The following ERCC2 variants were observed in gnomAD, a reference collection of about 807,000 sequenced individuals.
The protein encoded by ERCC2 is general transcription and DNA repair factor IIH helicase subunit XPD.
ERCC2 carries 90 observed loss-of-function variants against 99.4 expected under a neutral mutation model. That is an observed-to-expected ratio of 0.91 (90% CI 0.76 to 1.08). ERCC2 has a LOEUF of 1.08. Ranked by LOEUF, ERCC2 falls within the 50% of genes least tolerant of loss-of-function variation. The probability of loss-of-function intolerance (pLI) is 0.00; values close to 1 mark genes in which losing one functional copy is unlikely to be tolerated. For missense variants in ERCC2, 993 were observed against 1,038.1 expected (o/e 0.96, Z 0.60); for synonymous variants, 497 against 432.4 (o/e 1.15, Z -1.85).
chr19:45,369,197 GCACA>G (rs1340525620), intron 2 of ERCC2, 50 bp from the exon 3 acceptor site: 3 of 1,502,546 alleles, frequency 2.0e-6, no homozygotes, highest in Non-Finnish European at 2.8e-6. Flanking sequence ...AGAACCTTGG[GCACA>G]CAAACTCTGG....
At chr19:45,364,568 G>T (rs751095517) in intron 7 of ERCC2, 21 bp from the exon 8 acceptor site, 4 of 1,611,458 alleles carry the variant, frequency 2.5e-6, no homozygotes, top group Non-Finnish European at 2.5e-6. Flanking sequence ...GGGGAGCAGG[G>T]TTACCAGGGC....
chr19:45,351,268 CCCTGTGCCTGTCT>C lies in ERCC2; in HGVS notation c.*348_*360del. ...GCCCCTCACCTCCCCTCCAACCATC[CCCTGTGCCTGTCT>C]CCAGTTTCCCAGCTGGCACCTGGAC... is the stretch of plus-strand genomic sequence containing the variant. On this transcript the variant is annotated 3_prime_UTR_variant, in exon 23 of 23. Transcript: ENST00000391945. 1.2e-6 allele frequency: 2 copies of C among 1,611,492 alleles called. No homozygotes were observed. The highest frequency in any genetic ancestry group is 1.7e-6 in the Non-Finnish European group (2 of 1,179,544).
At position 45,352,909 on chromosome 19, in the gene ERCC2, T is replaced by TG. The variant is rs556480517; in HGVS notation, c.1832-94dup. The TG allele has an allele frequency of 1.6e-4, 208 of 1,295,450 alleles. No individual in the cohort carries two copies. In the East Asian group the frequency reaches 2.6e-3, roughly 16 times the overall value. 80.2% of individuals were successfully genotyped at this position (1,295,450 alleles called of 1,614,324 possible). On this transcript the variant is annotated intron_variant, in intron 19 of 22. Coordinates refer to ENST00000391945, the MANE Select transcript of ERCC2 (RefSeq NM_000400.4). ...GCGACCCAGGATGCTGTGTCTGAGT[T>TG]GGGGGGAGAGGGTGTGTTCCCGCCG... is the stretch of plus-strand genomic sequence containing the variant.
Position 45,361,597 on chromosome 19 carries a change from G to C in ERCC2, c.1164C>G (p.Ile388Met). 1 of 1,614,030 alleles carries C rather than the reference G, an allele frequency of 6.2e-7. No homozygotes were observed. The highest frequency in any genetic ancestry group is 1.1e-5 in the South Asian group (1 of 91,074). ...RLRSLLHTLE[I>M]TDLADFSPLT... ...GCGGGGAGAAGTCAGCAAGGTCGGT[G>C]ATCTCCAGAGTATGCAGCAGGGACC... The change falls in exon 12 of 23, where the codon ATC (isoleucine) becomes ATG (methionine). Residue 388 changes from isoleucine (I) to methionine (M), a missense_variant. Ile to Met is a conservative substitution (Grantham distance 10, BLOSUM62 1). Transcript: ENST00000391945.
intron 12 of ERCC2, 105 bp from the exon 13 acceptor site, chr19:45,357,804 C>T (rs746686505): frequency 7.8e-6 from 8 of 1,028,278 alleles, no homozygotes; most frequent in Non-Finnish European, 1.2e-5. Context: ...CAATCTCCAC[C>T]CCGTACTGCC....
At chr19:45,355,514 C>A in intron 16 of ERCC2, 151 bp downstream of exon 16, 1 of 772,828 alleles carries the variant, frequency 1.3e-6, no homozygotes, top group Non-Finnish European at 2.3e-6. Flanking sequence ...CCCCTACCAG[C>A]TCACAGTGGA....
At chr19:45,367,195 G>A (rs1252708438) in intron 5 of ERCC2, among the ~76,000 whole-genome samples, 1 of 151,810 alleles carries the variant, frequency 6.6e-6, no homozygotes, top group African/African-American at 2.4e-5. Flanking sequence ...AAATTAGCCG[G>A]GTGTAGTGGG....
chr19:45,357,103 G>T (rs1049811849), intron 15 of ERCC2, among the ~76,000 whole-genome samples, 167 bp downstream of exon 15: 13 of 152,232 alleles, frequency 8.5e-5, no homozygotes, highest in African/African-American at 3.1e-4. Flanking sequence ...AGGCTTGAGA[G>T]TCGAGCCCAC....
intron 15 of ERCC2, among the ~76,000 whole-genome samples, chr19:45,356,595 A>T (rs1188547553): frequency 6.6e-6 from 1 of 152,168 alleles, no homozygotes; most frequent in African/African-American, 2.4e-5. Flanking sequence ...GGATCACTTG[A>T]GGTCAGGAGT....
intron 10 of ERCC2, 35 bp from the exon 11 acceptor site, chr19:45,363,946 C>A (rs775277909): frequency 6.6e-7 from 1 of 1,507,500 alleles, no homozygotes. Flanking sequence ...GACGGGGAGG[C>A]GGGAAAGGGA....
rs565180149 is a variant in ERCC2, at chr19:45,370,325, G to A, written c.6-93C>T. On this transcript the variant is annotated intron_variant, in intron 1 of 22. Coordinates refer to ENST00000391945, the MANE Select transcript of ERCC2 (RefSeq NM_000400.4). Reference sequence around the variant, plus strand: ...TCGTCGAGCCCAGAGAAGGGTGACGGGCCCGGCGCCCCCGGTAACCCTCAG... The same window carrying A: ...TCGTCGAGCCCAGAGAAGGGTGACGAGCCCGGCGCCCCCGGTAACCCTCAG... The A allele has an allele frequency of 2.3e-5, 36 of 1,555,688 alleles. No individual in the cohort carries two copies. In the East Asian group the frequency reaches 8.3e-4, roughly 36 times the overall value.
intron 21 of ERCC2, 31 bp from the exon 22 acceptor site, chr19:45,352,383 A>G: frequency 6.2e-7 from 1 of 1,613,736 alleles, no homozygotes; most frequent in Non-Finnish European, 8.5e-7. Flanking sequence ...CAGGGACAGA[A>G]GGTCATTCGG....
In ERCC2 at chr19:45,351,629, T is replaced by A. The variant is rs1414071789; in HGVS notation, c.2283A>T (p.Ter761CysextTer7). Residue 761 changes from the stop codon to cysteine, a stop_lost, in exon 23 of 23, where the codon TGA (stop) becomes TGT (cysteine). Coordinates refer to ENST00000391945, the MANE Select transcript of ERCC2 (RefSeq NM_000400.4). ...KRIEQIAQQL[*>C] is the part of the protein sequence containing the mutation. ...CCGTTTATGGCCCCACCCGCCCCAC[T>A]CAGAGCTGCTGAGCAATCTGCTCTA... 7 of 1,613,762 alleles carry A rather than the reference T, an allele frequency of 4.3e-6. No homozygotes were observed. The highest frequency in any genetic ancestry group is 5.9e-6 in the Non-Finnish European group (7 of 1,179,928).
At chr19:45,359,086 G>A (rs896229607) in intron 12 of ERCC2, 10 of 599,460 alleles carry the variant, frequency 1.7e-5, no homozygotes, top group Non-Finnish European at 2.4e-5. Flanking sequence ...AGTGATGACT[G>A]AGAGTGGGCA....
At chr19:45,352,147 G>A in intron 22 of ERCC2, 62 bp downstream of exon 22, 3 of 1,585,864 alleles carry the variant, frequency 1.9e-6, no homozygotes, top group Non-Finnish European at 2.6e-6. Flanking sequence ...GAGAATCCAA[G>A]GGGACTTTCT....
At chr19:45,353,942 C>T (rs1322901237) in intron 17 of ERCC2, among the ~76,000 whole-genome samples, 2 of 152,202 alleles carry the variant, frequency 1.3e-5, no homozygotes, top group African/African-American at 4.8e-5. Context: ...TTGGGGTAGG[C>T]AAAGGTGTCT....
intron 12 of ERCC2, chr19:45,358,653 C>G (rs1461727534): frequency 1.6e-6 from 1 of 607,066 alleles, no homozygotes; most frequent in Non-Finnish European, 3.0e-6. Context: ...GAAAACCTCC[C>G]AAGGCTGCTC....
At chr19:45,356,273 C>T (rs1972009137) in intron 15 of ERCC2, among the ~76,000 whole-genome samples, 2 of 152,196 alleles carry the variant, frequency 1.3e-5, no homozygotes, top group South Asian at 4.1e-4. Flanking sequence ...CTCTGACAGG[C>T]AACTCCAAAA....
At chr19:45,357,786 C>T in intron 12 of ERCC2, 87 bp from the exon 13 acceptor site, 1 of 1,214,300 alleles carries the variant, frequency 8.2e-7, no homozygotes, top group Non-Finnish European at 1.2e-6. Flanking sequence ...TGCTCCCTCG[C>T]TTCACCCCAA....
Sources: allele counts gnomAD v4.1 joint callset (sites outside exome capture counted in the v4.1 genomes callset), GRCh38; gene constraint gnomAD v4.1.1; transcripts MANE v1.5; gene names NCBI Gene and HGNC (gene_info 2026-07-23, HGNC 2026-07-21).